The following KIF26B variants were observed in gnomAD, a reference collection of about 807,000 sequenced individuals.
The protein encoded by KIF26B is kinesin family member 26B, also known as kinesin-like protein KIF26B.
KIF26B carries 63 observed loss-of-function variants against 151.2 expected under a neutral mutation model. That is an observed-to-expected ratio of 0.42 (90% confidence interval 0.34 to 0.51). KIF26B has a LOEUF of 0.51. KIF26B is among the 20% of genes least tolerant of loss of function. The pLI, the probability that KIF26B is intolerant of heterozygous loss-of-function variation, is 0.07. For missense variants in KIF26B, 2,813 were observed against 2,913.6 expected, an observed-to-expected ratio of 0.97 and a Z score of 0.79; for synonymous variants, 1,357 against 1,262.1, an observed-to-expected ratio of 1.08 and a Z score of -1.59.
chr1:245,315,433 A>G (rs1002599685), intron 2 of KIF26B, among the ~76,000 whole-genome samples: 2 of 151,294 alleles, frequency 1.3e-5, no homozygotes, highest in African/African-American at 2.4e-5. Context: ...TGTAAAAGAA[A>G]AAAAAAGGCC....
intron 2 of KIF26B, among the ~76,000 whole-genome samples, chr1:245,257,597 TTTGCTGCACATCAGCC>T (rs1319959170): frequency 6.6e-6 from 1 of 152,194 alleles, no homozygotes; most frequent in African/African-American, 2.4e-5. Context: ...TGTGAAAAGC[TTTGCTGCACATCAGCC>T]TGGAGGAAGG....
intron 3 of KIF26B, among the ~76,000 whole-genome samples, chr1:245,390,921 C>CAAAAAAAAAAAAAAAAAAAAAA (rs796799193): frequency 2.2e-4 from 3 of 13,448 alleles, no homozygotes; most frequent in East Asian, 4.0e-3. Flanking sequence ...GACCCTGTCT[C>CAAAAAAAAAAAAAAAAAAAAAA]AAAAAAAAAA....
At chr1:245,296,126 T>A (rs1421178163) in intron 2 of KIF26B, among the ~76,000 whole-genome samples, 1 of 152,060 alleles carries the variant, frequency 6.6e-6, no homozygotes, top group Non-Finnish European at 1.5e-5. Flanking sequence ...CTAGGACCTA[T>A]GACTTTGGGG....
intron 4 of KIF26B, among the ~76,000 whole-genome samples, chr1:245,463,664 G>C (rs1341303416): frequency 2.6e-5 from 4 of 152,180 alleles, no homozygotes; most frequent in African/African-American, 7.2e-5. Context: ...CCTATTGCCT[G>C]CTGTCCTGTG....
chr1:245,275,574 A>T, intron 2 of KIF26B, among the ~76,000 whole-genome samples: 1 of 152,188 alleles, frequency 6.6e-6, no homozygotes. Flanking sequence ...AACACCATTT[A>T]TTAAATAGGG....
At chr1:245,254,189 A>C (rs1558363275) in intron 2 of KIF26B, among the ~76,000 whole-genome samples, 1 of 152,110 alleles carries the variant, frequency 6.6e-6, no homozygotes. Flanking sequence ...CCTGTAACGC[A>C]TTGACTTTAG....
intron 9 of KIF26B, among the ~76,000 whole-genome samples, chr1:245,627,289 G>A (rs905187546): frequency 2.0e-5 from 3 of 152,150 alleles, no homozygotes; most frequent in Admixed American, 2.0e-4. Flanking sequence ...TGAGTCTGTA[G>A]ATTGCTTTGA....
intron 2 of KIF26B, among the ~76,000 whole-genome samples, chr1:245,250,983 G>A (rs1381638990): frequency 2.0e-5 from 3 of 152,174 alleles, no homozygotes; most frequent in Non-Finnish European, 4.4e-5. Context: ...CACAGAGGGT[G>A]GAGTCCAGAG....
Position 245,705,520 on chromosome 1 carries a change from G to A in KIF26B, c.*2914G>A, listed in dbSNP as rs2044829940. 6.6e-6 allele frequency: 1 copy of A among 152,118 alleles called. No homozygotes were observed. The highest frequency in any genetic ancestry group is 1.5e-5 in the Non-Finnish European group (1 of 68,010). The allele number at this position is 152,118 out of a possible 1,614,324, so 9.4% of individuals were successfully genotyped here. A position where few individuals can be genotyped will look rare whatever the true frequency, so the allele number is the denominator to read the frequency against. ...AGGTCTCCCCTTGGTTTTGGTGATAGAGAACCCAAGGAGGCAAGGGGGAAT... is the reference window on the plus strand; with the variant it reads ...AGGTCTCCCCTTGGTTTTGGTGATAAAGAACCCAAGGAGGCAAGGGGGAAT... On this transcript the variant is annotated 3_prime_UTR_variant, in exon 15 of 15. Transcript: ENST00000407071.
At chr1:245,376,081 T>G (rs1673266555) in intron 3 of KIF26B, among the ~76,000 whole-genome samples, 1 of 150,334 alleles carries the variant, frequency 6.7e-6, no homozygotes, top group Admixed American at 6.7e-5. Context: ...AAGCTGGGGG[T>G]GGGAGGGATG....
chr1:245,186,994 C>CT (rs1669011687), intron 2 of KIF26B, among the ~76,000 whole-genome samples: 1 of 151,968 alleles, frequency 6.6e-6, no homozygotes, highest in Non-Finnish European at 1.5e-5. Flanking sequence ...GTAGCTGGGA[C>CT]TACAGGCGCG....
chr1:245,259,893 C>T (rs1319863448), intron 2 of KIF26B, among the ~76,000 whole-genome samples: 2 of 140,160 alleles, frequency 1.4e-5, no homozygotes, highest in Non-Finnish European at 3.0e-5. Context: ...CAAGATTGCA[C>T]TGCTGCACCC....
chr1:245,635,843 A>G (rs1439109990), intron 9 of KIF26B, among the ~76,000 whole-genome samples: 2 of 152,146 alleles, frequency 1.3e-5, no homozygotes, highest in Non-Finnish European at 2.9e-5. Flanking sequence ...CTATTCACTT[A>G]AAAAGACTTT....
intron 4 of KIF26B, among the ~76,000 whole-genome samples, chr1:245,456,405 G>A (rs1659518293): frequency 6.6e-6 from 1 of 152,094 alleles, no homozygotes; most frequent in South Asian, 2.1e-4. Flanking sequence ...ATATTTTTAA[G>A]GCACTTAATA....
At chr1:245,589,184 C>G (rs904686559) in intron 5 of KIF26B, among the ~76,000 whole-genome samples, 1 of 152,146 alleles carries the variant, frequency 6.6e-6, no homozygotes, top group Non-Finnish European at 1.5e-5. Context: ...AGGGCAATTC[C>G]CTTAGTTTCT....
At chr1:245,330,851 G>A (rs573308102) in intron 2 of KIF26B, among the ~76,000 whole-genome samples, 1 of 149,026 alleles carries the variant, frequency 6.7e-6, no homozygotes, top group African/African-American at 2.5e-5. Context: ...GTCGGAGGAT[G>A]TCTGATATAT....
chr1:245,598,241 A>C (rs1463257081), intron 5 of KIF26B, among the ~76,000 whole-genome samples: 1 of 152,108 alleles, frequency 6.6e-6, no homozygotes, highest in Non-Finnish European at 1.5e-5. Flanking sequence ...GTGTCTGTAG[A>C]GGGCCTTCAT....
At chr1:245,554,607 C>T (rs967210578) in intron 5 of KIF26B, among the ~76,000 whole-genome samples, 12 of 152,144 alleles carry the variant, frequency 7.9e-5, no homozygotes, top group African/African-American at 2.7e-4. Flanking sequence ...GCCATCACTC[C>T]GGCTTACCAT....
At chr1:245,296,038 C>T (rs965397282) in intron 2 of KIF26B, among the ~76,000 whole-genome samples, 9 of 152,120 alleles carry the variant, frequency 5.9e-5, no homozygotes, top group East Asian at 3.9e-4. Context: ...ACATGACAGA[C>T]GTTCATTAGA....
Sources: allele counts gnomAD v4.1 joint callset (sites outside exome capture counted in the v4.1 genomes callset), GRCh38; gene constraint gnomAD v4.1.1; transcripts MANE v1.5; gene names NCBI Gene and HGNC (gene_info 2026-07-23, HGNC 2026-07-21).